EDIL3: variants seen among roughly 807,000 people sequenced by gnomAD.
EDIL3 encodes the protein EGF like and discoidin domains 3.
Under a neutral mutation model 67.4 loss-of-function variants are expected in EDIL3, and 37 were observed. The observed-to-expected ratio is 0.55, with a 90% CI of 0.42 to 0.72. The LOEUF is 0.72. Among genes scored for constraint, EDIL3 ranks in the 30% least tolerant of loss-of-function variants. The pLI is 0.00. For missense variants in EDIL3, 527 were observed against 586.3 expected, an observed-to-expected ratio of 0.90 and a Z score of 1.04; for synonymous variants, 195 against 196.3, an observed-to-expected ratio of 0.99 and a Z score of 0.05.
rs145290569 is a variant in EDIL3, at chr5:83,948,392, C to T, written c.1294-4824G>A. Among the ~76,000 whole-genome samples the T allele has an allele frequency of 5.1e-3, 778 of 151,722 alleles. 3 individuals carry two copies. Among genetic ancestry groups the T allele is most frequent in the Middle Eastern group, 0.017 (5 of 294 alleles). ...ATTTCAGAGTTACAACTTGAATCAACGCTTTAAGTGATGTAAAGTCTTATG... is the reference window on the plus strand; with the variant it reads ...ATTTCAGAGTTACAACTTGAATCAATGCTTTAAGTGATGTAAAGTCTTATG... On this transcript the variant is annotated intron_variant, in intron 10 of 10. Transcript: ENST00000296591.
At chr5:84,351,831 T>C (rs2112189874) in intron 1 of EDIL3, among the ~76,000 whole-genome samples, 1 of 151,604 alleles carries the variant, frequency 6.6e-6, no homozygotes, top group South Asian at 2.1e-4. Flanking sequence ...CCAAAAGAAA[T>C]AATCAGCACA....
intron 9 of EDIL3, among the ~76,000 whole-genome samples, chr5:84,015,815 G>C (rs1220486765): frequency 6.6e-6 from 1 of 152,164 alleles, no homozygotes; most frequent in Admixed American, 6.5e-5. Context: ...AAACTCTCTT[G>C]AGAAGTAAAT....
intron 9 of EDIL3, among the ~76,000 whole-genome samples, chr5:84,007,982 T>C (rs1745448698): frequency 6.6e-6 from 1 of 152,120 alleles, no homozygotes; most frequent in Non-Finnish European, 1.5e-5. Flanking sequence ...TGCATTAGCA[T>C]GGATAAAACT....
chr5:84,039,537 T>TGTGC (rs1746082801), intron 9 of EDIL3, among the ~76,000 whole-genome samples: 1 of 152,156 alleles, frequency 6.6e-6, no homozygotes, highest in African/African-American at 2.4e-5. Context: ...TGCAAAACAA[T>TGTGC]TACAGATGAG....
Position 84,384,486 on chromosome 5 carries a change from A to G in EDIL3, c.-112T>C, listed in dbSNP as rs1748181581. 3 of 1,004,822 alleles carry G rather than the reference A, an allele frequency of 3.0e-6. No individual in the cohort carries two copies. The highest frequency in any genetic ancestry group is 4.5e-6 in the Non-Finnish European group (3 of 664,812). 62.2% of individuals were successfully genotyped at this position (1,004,822 alleles called of 1,614,324 possible). ...GACTCCGCCCCTACTAAAGAATTCA[A>G]GAAGACGTTCTCTTTCCTCAGCGCT... is the stretch of plus-strand genomic sequence containing the variant. On this transcript the variant is annotated 5_prime_UTR_variant, in exon 1 of 11. Coordinates refer to ENST00000296591, the MANE Select transcript of EDIL3 (RefSeq NM_005711.5).
chr5:84,216,193 G>T (rs1371913607), intron 3 of EDIL3, among the ~76,000 whole-genome samples: 3 of 152,222 alleles, frequency 2.0e-5, no homozygotes, highest in East Asian at 3.9e-4. Context: ...AAGCCTGTAA[G>T]AGGAGCTAGA....
chr5:84,346,176 C>A (rs1747236862), intron 1 of EDIL3, among the ~76,000 whole-genome samples: 1 of 131,752 alleles, frequency 7.6e-6, no homozygotes, highest in East Asian at 2.2e-4. Context: ...CGCTCTGTCT[C>A]CCAGGCTGGA....
chr5:84,040,521 A>T (rs1746101546), intron 9 of EDIL3, among the ~76,000 whole-genome samples: 1 of 149,030 alleles, frequency 6.7e-6, no homozygotes, highest in South Asian at 2.1e-4. Context: ...ATAATTATAT[A>T]TATATATATT....
chr5:84,123,048 C>T (rs888334779), intron 5 of EDIL3, among the ~76,000 whole-genome samples: 1 of 151,898 alleles, frequency 6.6e-6, no homozygotes, highest in East Asian at 1.9e-4. Context: ...TTTCCTCTCT[C>T]TCACTGTGTA....
chr5:84,360,897 A>G (rs1747584274), intron 1 of EDIL3, among the ~76,000 whole-genome samples: 4 of 152,154 alleles, frequency 2.6e-5, no homozygotes. Context: ...AAAATAACCA[A>G]AAAATGTTTT....
intron 6 of EDIL3, among the ~76,000 whole-genome samples, chr5:84,072,967 T>C (rs1746769181): frequency 6.6e-6 from 1 of 152,126 alleles, no homozygotes; most frequent in Non-Finnish European, 1.5e-5. Flanking sequence ...ACACTTTTAT[T>C]ACAAGAACAC....
intron 5 of EDIL3, among the ~76,000 whole-genome samples, chr5:84,109,890 GT>G (rs1252055244): frequency 1.3e-5 from 2 of 152,108 alleles, no homozygotes; most frequent in Non-Finnish European, 2.9e-5. Context: ...TAAAATCGGG[GT>G]TATGATGACA....
chr5:84,081,344 T>C (rs2112258422), intron 6 of EDIL3, among the ~76,000 whole-genome samples: 1 of 152,284 alleles, frequency 6.6e-6, no homozygotes, highest in South Asian at 2.1e-4. Flanking sequence ...TATATCAAGT[T>C]TGATGAAATT....
intron 4 of EDIL3, among the ~76,000 whole-genome samples, chr5:84,159,760 A>G (rs763569450): frequency 1.3e-5 from 2 of 152,100 alleles, no homozygotes; most frequent in African/African-American, 2.4e-5. Flanking sequence ...GCTTCATGTT[A>G]TCATTAACTA....
At chr5:84,243,749 C>G (rs1403526400) in intron 2 of EDIL3, among the ~76,000 whole-genome samples, 1 of 152,088 alleles carries the variant, frequency 6.6e-6, no homozygotes, top group Non-Finnish European at 1.5e-5. Flanking sequence ...ATTTTTCTTT[C>G]CAGGCCTTGA....
chr5:84,083,265 T>C (rs1425956464), intron 6 of EDIL3, among the ~76,000 whole-genome samples: 3 of 152,098 alleles, frequency 2.0e-5, no homozygotes, highest in Non-Finnish European at 4.4e-5. Context: ...ACTTACTGGG[T>C]TGGGGACTTC....
At chr5:84,206,369 C>T (rs1743979525) in intron 3 of EDIL3, among the ~76,000 whole-genome samples, 1 of 151,704 alleles carries the variant, frequency 6.6e-6, no homozygotes, top group African/African-American at 2.4e-5. Context: ...TGGTGTGGTG[C>T]TGAAAAAAAT....
intron 1 of EDIL3, among the ~76,000 whole-genome samples, chr5:84,309,059 C>T (rs1264796909): frequency 2.0e-5 from 3 of 152,076 alleles, no homozygotes; most frequent in African/African-American, 7.2e-5. Flanking sequence ...CTTACATTTC[C>T]TCTCATGAGC....
rs144544614 is a variant in EDIL3, at chr5:84,083,702, G to A, written c.652-17096C>T. On this transcript the variant is annotated intron_variant, in intron 6 of 10. Coordinates refer to ENST00000296591, the MANE Select transcript of EDIL3 (RefSeq NM_005711.5). ...TCTGAGTCTTAAAGTTGTCCGTTAG[G>A]TACCCTGCATCTTTAAGCCTTTGGT... Among the ~76,000 whole-genome samples, 296 of 151,952 alleles carry A rather than the reference G, an allele frequency of 1.9e-3. 1 individual carries two copies. The highest frequency in any genetic ancestry group is 6.9e-3 in the African/African-American group (284 of 41,434).
Sources: gnomAD v4.1 joint callset for allele counts (sites outside exome capture counted in the v4.1 genomes callset) on GRCh38, gnomAD v4.1.1 for gene constraint, MANE v1.5 for transcripts, NCBI Gene and HGNC (gene_info 2026-07-23, HGNC 2026-07-21) for gene names.